Variants in CELSR1 observed in about 807,000 individuals in gnomAD.
The protein encoded by CELSR1 is cadherin EGF LAG seven-pass G-type receptor 1.
Under a neutral mutation model 249.1 loss-of-function variants are expected in CELSR1, and 110 were observed. The observed-to-expected ratio is 0.44, with a 90% CI of 0.38 to 0.52. The LOEUF (loss-of-function observed/expected upper bound fraction) is 0.52, where lower values mean the gene tolerates loss of function less well. Ranked by LOEUF, CELSR1 falls within the 20% of genes least tolerant of loss-of-function variation. CELSR1 has a pLI of 0.00. For synonymous variants in CELSR1, 2,113 were observed against 1,900.0 expected (o/e 1.11, Z -2.92); for missense variants, 4,109 against 4,296.4 (o/e 0.96, Z 1.22).
At chr22:46,508,401 C>T (rs2080537796) in intron 1 of CELSR1, among the ~76,000 whole-genome samples, 1 of 151,838 alleles carries the variant, frequency 6.6e-6, no homozygotes, top group Non-Finnish European at 1.5e-5. Context: ...CCCTGACCGT[C>T]CCCTGCGTGG....
intron 1 of CELSR1, among the ~76,000 whole-genome samples, chr22:46,519,761 T>A (rs2080666042): frequency 6.6e-6 from 1 of 152,044 alleles, no homozygotes; most frequent in Admixed American, 6.5e-5. Flanking sequence ...CCAGGGCCCC[T>A]AAAACAGGGA....
In CELSR1 at chr22:46,363,221, G is replaced by T. The variant is rs1426317612; in HGVS notation, c.*2C>A. The T allele has an allele frequency of 6.3e-7, 1 of 1,585,482 alleles. No individual in the cohort carries two copies. Among genetic ancestry groups the T allele is most frequent in the Non-Finnish European group, 8.5e-7 (1 of 1,177,722 alleles). On this transcript the variant is annotated 3_prime_UTR_variant, in exon 35 of 35. Transcript: ENST00000674500. The surrounding 1 kb of genome is among the most constrained non-coding windows in gnomAD (Gnocchi z 4.3). ...TCAAATTGAAGTTTCATTACTGATG[G>T]TTCAAATTGAAGTTTCATTACTGCC... is the stretch of plus-strand genomic sequence containing the variant.
intron 1 of CELSR1, among the ~76,000 whole-genome samples, chr22:46,478,835 A>C (rs1223047892): frequency 6.6e-6 from 1 of 151,576 alleles, no homozygotes. Context: ...TACAGGTGTG[A>C]GCCACCGTGC....
At chr22:46,372,569 C>T (rs1602034008) in intron 25 of CELSR1, among the ~76,000 whole-genome samples, 1 of 151,392 alleles carries the variant, frequency 6.6e-6, no homozygotes, top group Non-Finnish European at 1.5e-5. Context: ...CACACTCATG[C>T]ACTCACTCGC....
rs2078973504 is a variant in CELSR1 at position 46,381,104 on chromosome 22, G to T, written c.7089-149C>A. The T allele has an allele frequency of 1.3e-6, 1 of 782,936 alleles. No individual in the cohort carries two copies. Among genetic ancestry groups the T allele is most frequent in the Non-Finnish European group, 2.0e-6 (1 of 494,104 alleles). 48.5% of individuals were successfully genotyped at this position (782,936 alleles called of 1,614,324 possible). ...AGAGCTCGGACCCACGGACCCCACAGTATCTTCATCCCTAGAGCAGGTTTT... is the reference window on the plus strand; with the variant it reads ...AGAGCTCGGACCCACGGACCCCACATTATCTTCATCCCTAGAGCAGGTTTT... On this transcript the variant is annotated intron_variant, in intron 21 of 34. Transcript: ENST00000674500. This position sits in a 1 kb window ranked among gnomAD's most constrained non-coding sequence, Gnocchi z 6.0.
At chr22:46,505,498 G>A (rs2147747260) in intron 1 of CELSR1, among the ~76,000 whole-genome samples, 1 of 152,118 alleles carries the variant, frequency 6.6e-6, no homozygotes, top group East Asian at 1.9e-4. Context: ...GTATGCACCT[G>A]TAGTCCCAGC....
chr22:46,444,660 C>T (rs145645506), intron 2 of CELSR1, among the ~76,000 whole-genome samples: 207 of 152,264 alleles, frequency 1.4e-3, no homozygotes, highest in African/African-American at 4.5e-3. Context: ...ATGTGTTTCC[C>T]GTGGCTGCCG....
intron 5 of CELSR1, among the ~76,000 whole-genome samples, chr22:46,416,835 C>G (rs9615996): frequency 6.6e-6 from 1 of 152,004 alleles, no homozygotes; most frequent in Non-Finnish European, 1.5e-5. Flanking sequence ...CTGGGAGTTT[C>G]TGTGTGCGCA....
intron 2 of CELSR1, among the ~76,000 whole-genome samples, chr22:46,462,366 C>A (rs537419435): frequency 6.6e-6 from 1 of 152,194 alleles, no homozygotes; most frequent in East Asian, 1.9e-4. Flanking sequence ...TGCCAACACC[C>A]GTGCTGGTGG....
intron 2 of CELSR1, among the ~76,000 whole-genome samples, chr22:46,459,828 A>G (rs1197456010): frequency 2.0e-5 from 3 of 152,360 alleles, no homozygotes; most frequent in Non-Finnish European, 4.4e-5. Context: ...AAATGGGATC[A>G]TAGAGCTGCC....
chr22:46,405,699 CG>C (rs1325500734), intron 9 of CELSR1, among the ~76,000 whole-genome samples: 1 of 152,020 alleles, frequency 6.6e-6, no homozygotes, highest in African/African-American at 2.4e-5. Flanking sequence ...TTTGGGTGCC[CG>C]AGAGCAATTA....
Position 46,534,931 on chromosome 22 carries a change from G to A in CELSR1, c.2240C>T (p.Ala747Val), listed in dbSNP as rs139524452. The A allele has an allele frequency of 6.8e-5, 110 of 1,612,318 alleles. No homozygotes were observed. The highest frequency in any genetic ancestry group is 1.6e-4 in the Middle Eastern group (1 of 6,084). ...CTCCTGCTTGTAGTCCAGAGGTAGC[G>A]CCAGGGTGATGAGGCCGCCCCCTCT... ...SQRGGGLITL[A>V]LPLDYKQEQQ... is the part of the protein sequence containing the mutation. The change falls in exon 1 of 35, where the codon GCG (alanine) becomes GTG (valine). Residue 747 changes from alanine to valine, a missense_variant. This residue lies in a region of CELSR1 where 886 missense variants were observed against 896.5 expected (regional missense o/e 0.99). Coordinates refer to ENST00000674500, the MANE Select transcript of CELSR1 (RefSeq NM_001378328.1). The surrounding 1 kb of genome is among the most constrained non-coding windows in gnomAD (Gnocchi z 9.7).
chr22:46,537,306 G>T lies in CELSR1; in HGVS notation c.-136C>A, dbSNP rs1234204277. ...GGGCGGTCCGCGTCCCGCCTCCCCG[G>T]GGGCCCTGGCGGGGACTGTGGGGAC... On this transcript the variant is annotated 5_prime_UTR_variant, in exon 1 of 35. Transcript: ENST00000674500. This position sits in a 1 kb window ranked among gnomAD's most constrained non-coding sequence, Gnocchi z 5.8. 2.1e-6 allele frequency: 2 copies of T among 963,288 alleles called. No individual in the cohort carries two copies. Among genetic ancestry groups the T allele is most frequent in the Non-Finnish European group, 2.5e-6 (2 of 807,392 alleles). The allele number at this position is 963,288 out of a possible 1,614,324, so 59.7% of individuals were successfully genotyped here.
chr22:46,385,190 G>A (rs9626861), intron 19 of CELSR1, among the ~76,000 whole-genome samples: 13,771 of 152,094 alleles, frequency 0.091, 2,046 homozygotes, highest in African/African-American at 0.31. Context: ...GTCCTCCTGC[G>A]CTCAAGCGAT....
intron 2 of CELSR1, among the ~76,000 whole-genome samples, chr22:46,461,681 G>A (rs548991354): frequency 1.2e-3 from 190 of 152,390 alleles, no homozygotes; most frequent in African/African-American, 4.3e-3. Context: ...AGGTCTGGCT[G>A]TGTGCGCTGG....
chr22:46,441,422 C>T lies in CELSR1; in HGVS notation c.4184-2011G>A, dbSNP rs2079747753. ...CGTGTGGGGCAGCCTAATTTGATGCCAACTCAAACAGACAGAATGAAAACA... is the reference window on the plus strand; with the variant it reads ...CGTGTGGGGCAGCCTAATTTGATGCTAACTCAAACAGACAGAATGAAAACA... On this transcript the variant is annotated intron_variant, in intron 2 of 34. Transcript: ENST00000674500. The surrounding 1 kb of genome is among the most constrained non-coding windows in gnomAD (Gnocchi z 6.1). Among the ~76,000 whole-genome samples the T allele has an allele frequency of 2.0e-5, 3 of 152,144 alleles. No individual in the cohort carries two copies. The South Asian group carries it at 6.2e-4, about 32-fold the overall frequency.
At chr22:46,499,914 CT>C (rs2080450168) in intron 1 of CELSR1, among the ~76,000 whole-genome samples, 1 of 152,174 alleles carries the variant, frequency 6.6e-6, no homozygotes, top group Admixed American at 6.5e-5. Flanking sequence ...GCCTCTTCCT[CT>C]CCTCCAGAAC....
chr22:46,444,148 C>G (rs970109343), intron 2 of CELSR1, among the ~76,000 whole-genome samples: 8 of 152,338 alleles, frequency 5.3e-5, no homozygotes, highest in Admixed American at 2.6e-4. Flanking sequence ...CGTAGCTTCC[C>G]GGTCCCACCT....
At chr22:46,487,412 C>T (rs2080323139) in intron 1 of CELSR1, among the ~76,000 whole-genome samples, 1 of 147,978 alleles carries the variant, frequency 6.8e-6, no homozygotes, top group African/African-American at 2.5e-5. Context: ...CATTTGCGGG[C>T]CCTGTGTGTA....
Sources: allele counts gnomAD v4.1 joint callset (sites outside exome capture counted in the v4.1 genomes callset), GRCh38; gene constraint gnomAD v4.1.1; regional missense constraint gnomAD v4.1.1; non-coding constraint Gnocchi (gnomAD v3.1); transcripts MANE v1.5; gene names NCBI Gene and HGNC (gene_info 2026-07-23, HGNC 2026-07-21).